The following NKAIN3 variants were observed in gnomAD, a reference collection of about 807,000 sequenced individuals.
NKAIN3 encodes sodium/potassium transporting ATPase interacting 3, also known as sodium/potassium-transporting ATPase subunit beta-1-interacting protein 3.
NKAIN3 carries 25 observed loss-of-function variants against 30.2 expected under a neutral mutation model. The ratio of observed to expected loss-of-function variants is 0.83; its 90% CI spans 0.60 to 1.16. NKAIN3 has a LOEUF of 1.16. NKAIN3 is among the 50% of genes most tolerant of loss of function. The pLI is 0.00. For missense variants in NKAIN3, 225 were observed against 254.1 expected, an observed-to-expected ratio of 0.89 and a Z score of 0.78; for synonymous variants, 91 against 89.6, an observed-to-expected ratio of 1.02 and a Z score of -0.09.
chr8:62,866,004 G>A (rs1310529464), intron 4 of NKAIN3, among the ~76,000 whole-genome samples: 1 of 151,924 alleles, frequency 6.6e-6, no homozygotes, highest in East Asian at 1.9e-4. Flanking sequence ...TTCTCTATGT[G>A]GCACTTTAAA....
At chr8:62,452,373 G>A (rs886516247) in intron 1 of NKAIN3, among the ~76,000 whole-genome samples, 2 of 152,146 alleles carry the variant, frequency 1.3e-5, no homozygotes, top group African/African-American at 2.4e-5. Context: ...CTACTCAGGA[G>A]GCTGAGGCAG....
chr8:62,500,844 C>T (rs1047615546), intron 1 of NKAIN3, among the ~76,000 whole-genome samples: 1 of 152,010 alleles, frequency 6.6e-6, no homozygotes, highest in African/African-American at 2.4e-5. Flanking sequence ...TGGAGTCAAA[C>T]TATATTCTCT....
At chr8:62,320,425 C>T (rs1415675643) in intron 1 of NKAIN3, among the ~76,000 whole-genome samples, 1 of 152,056 alleles carries the variant, frequency 6.6e-6, no homozygotes, top group East Asian at 1.9e-4. Flanking sequence ...TTCTTCCTAG[C>T]CTCGATGGTC....
chr8:62,621,886 G>A (rs146135268), intron 3 of NKAIN3, among the ~76,000 whole-genome samples: 276 of 152,068 alleles, frequency 1.8e-3, no homozygotes, highest in African/African-American at 6.4e-3. Context: ...GCATTGAACA[G>A]TCAAGATACA....
intron 1 of NKAIN3, among the ~76,000 whole-genome samples, chr8:62,330,907 A>C (rs1465776581): frequency 6.6e-6 from 1 of 151,646 alleles, no homozygotes; most frequent in East Asian, 2.0e-4. Context: ...AGACACATTC[A>C]CTGGTTCTTC....
chr8:62,671,178 C>T (rs1813291079), intron 3 of NKAIN3, among the ~76,000 whole-genome samples: 1 of 152,072 alleles, frequency 6.6e-6, no homozygotes. Context: ...CAGGATGAGA[C>T]CAGATGAGAA....
intron 1 of NKAIN3, among the ~76,000 whole-genome samples, chr8:62,477,802 G>A (rs1441806994): frequency 6.6e-6 from 1 of 152,128 alleles, no homozygotes; most frequent in Non-Finnish European, 1.5e-5. Context: ...TAAGAGGATT[G>A]ACATTCTGGG....
At chr8:62,270,803 A>G (rs1812754640) in intron 1 of NKAIN3, among the ~76,000 whole-genome samples, 1 of 152,164 alleles carries the variant, frequency 6.6e-6, no homozygotes, top group Admixed American at 6.6e-5. Context: ...TGTAAGTGCG[A>G]GCATGTGGCA....
intron 1 of NKAIN3, among the ~76,000 whole-genome samples, chr8:62,450,120 C>T (rs769079937): frequency 1.3e-5 from 2 of 152,024 alleles, no homozygotes; most frequent in African/African-American, 2.4e-5. Flanking sequence ...AAACAAAATC[C>T]ATCTAGATTT....
intron 4 of NKAIN3, among the ~76,000 whole-genome samples, chr8:62,799,259 C>T (rs1328290935): frequency 6.6e-6 from 1 of 152,054 alleles, no homozygotes; most frequent in Admixed American, 6.6e-5. Flanking sequence ...TAACAGACAA[C>T]CCACAAAGTG....
At chr8:62,901,293 A>G (rs1045655550) in intron 4 of NKAIN3, among the ~76,000 whole-genome samples, 72 of 152,156 alleles carry the variant, frequency 4.7e-4, no homozygotes, top group Non-Finnish European at 9.8e-4. Context: ...TCAAAGGTCT[A>G]TCAGTAACAA....
intron 1 of NKAIN3, among the ~76,000 whole-genome samples, chr8:62,437,573 G>A (rs1222938443): frequency 6.6e-6 from 1 of 152,160 alleles, no homozygotes; most frequent in Non-Finnish European, 1.5e-5. Flanking sequence ...TGCCATGCAA[G>A]GAAAGGGCTA....
intron 1 of NKAIN3, among the ~76,000 whole-genome samples, chr8:62,378,590 T>C (rs1817171632): frequency 6.6e-6 from 1 of 151,998 alleles, no homozygotes; most frequent in African/African-American, 2.4e-5. Context: ...CCCAGTATAG[T>C]CTAAAAGGGG....
At chr8:62,813,643 C>T (rs1404810659) in intron 4 of NKAIN3, among the ~76,000 whole-genome samples, 1 of 151,612 alleles carries the variant, frequency 6.6e-6, no homozygotes, top group Non-Finnish European at 1.5e-5. Context: ...TTTATATACT[C>T]TTTGTTCCTT....
chr8:62,487,187 G>C (rs754705745), intron 1 of NKAIN3, among the ~76,000 whole-genome samples: 2 of 152,166 alleles, frequency 1.3e-5, no homozygotes, highest in Non-Finnish European at 2.9e-5. Flanking sequence ...GTTTACCCAG[G>C]CACTCACTGG....
chr8:62,371,884 A>C (rs1816917978), intron 1 of NKAIN3, among the ~76,000 whole-genome samples: 3 of 151,946 alleles, frequency 2.0e-5, no homozygotes, highest in Non-Finnish European at 4.4e-5. Context: ...CCCATGGTAA[A>C]TTATTTTCAG....
At chr8:62,678,493 T>C (rs1813548293) in intron 3 of NKAIN3, among the ~76,000 whole-genome samples, 1 of 152,188 alleles carries the variant, frequency 6.6e-6, no homozygotes, top group Admixed American at 6.5e-5. Context: ...GGTTGCATAA[T>C]AACCAACTAT....
At chr8:62,864,197 G>A in intron 4 of NKAIN3, 1 of 659,542 alleles carries the variant, frequency 1.5e-6, no homozygotes, top group Admixed American at 2.9e-5. Flanking sequence ...AGGCTCTGGC[G>A]GATGGCGAAT....
chr8:62,415,372 A>T lies in NKAIN3; in HGVS notation c.55-164167A>T, dbSNP rs919642862. Among the ~76,000 whole-genome samples, 12 of 148,888 alleles carry T rather than the reference A, an allele frequency of 8.1e-5. No individual in the cohort carries two copies. In the South Asian group the frequency reaches 1.3e-3, roughly 16 times the overall value. On this transcript the variant is annotated intron_variant, in intron 1 of 6. Coordinates refer to ENST00000623646, the MANE Select transcript of NKAIN3 (RefSeq NM_001304533.3). ...ATGATGATGATGAGAGAGATCAGAA[A>T]AGTCTGGATTATAATAATTGCTAAA... is the stretch of plus-strand genomic sequence containing the variant.
Sources: gnomAD v4.1 joint callset for allele counts (sites outside exome capture counted in the v4.1 genomes callset) on GRCh38, gnomAD v4.1.1 for gene constraint, MANE v1.5 for transcripts, NCBI Gene and HGNC (gene_info 2026-07-23, HGNC 2026-07-21) for gene names.